Variants in KCNC3 observed in about 807,000 individuals in gnomAD.
KCNC3 encodes the protein potassium voltage-gated channel subfamily C member 3, also known as voltage-gated potassium channel KCNC3.
Under a neutral mutation model 43.9 loss-of-function variants are expected in KCNC3, and 22 were observed. The observed-to-expected ratio is 0.50, with a 90% confidence interval of 0.36 to 0.72. The LOEUF is 0.72. Among genes scored for constraint, KCNC3 ranks in the 30% least tolerant of loss-of-function variants. The pLI, the probability that KCNC3 is intolerant of heterozygous loss-of-function variation, is 0.00. For missense variants in KCNC3, 829 were observed against 1,073.8 expected (o/e 0.77, Z 3.19); for synonymous variants, 492 against 488.0 (o/e 1.01, Z -0.11).
At chr19:50,327,619 G>C (rs1184037472) in intron 1 of KCNC3, among the ~76,000 whole-genome samples, 1 of 152,076 alleles carries the variant, frequency 6.6e-6, no homozygotes, top group Non-Finnish European at 1.5e-5. Flanking sequence ...TGGGAGACGG[G>C]CCACGGGGTG....
At chr19:50,322,739 C>T (rs756338937) in intron 2 of KCNC3, among the ~76,000 whole-genome samples, 4 of 152,162 alleles carry the variant, frequency 2.6e-5, no homozygotes, top group Admixed American at 6.5e-5. Flanking sequence ...GCCTCTGCCT[C>T]GCCAGCCCCT....
intron 1 of KCNC3, among the ~76,000 whole-genome samples, chr19:50,327,785 C>A (rs1044786024): frequency 1.3e-5 from 2 of 151,906 alleles, no homozygotes; most frequent in East Asian, 3.9e-4. Flanking sequence ...GTCCAAGAAA[C>A]CAAGGGCTGG....
chr19:50,320,273 G>T lies in KCNC3; in HGVS notation c.2247C>A (p.Ala749=). ...GPPSFLPDLN[A]NAAAWISP The stretch of plus-strand genomic sequence containing the variant: ...AGGGGGATATCCAGGCCGCGGCGTT[G>T]GCGTTGAGGTCGGGCAAGAAGCTTG... Residue 749 remains alanine, a synonymous_variant, in exon 4 of 5, where the codon GCC becomes GCA. Transcript: ENST00000477616. The T allele has an allele frequency of 9.3e-7, 1 of 1,079,792 alleles. No homozygotes were observed. The highest frequency in any genetic ancestry group is 1.2e-6 in the Non-Finnish European group (1 of 812,392). The allele number at this position is 1,079,792 out of a possible 1,614,324, so 66.9% of individuals were successfully genotyped here.
intron 4 of KCNC3, among the ~76,000 whole-genome samples, chr19:50,317,711 G>C (rs971826073): frequency 6.6e-6 from 1 of 152,132 alleles, no homozygotes; most frequent in African/African-American, 2.4e-5. Context: ...GAAGCTCAGG[G>C]CCTGTGCACT....
In KCNC3 at chr19:50,329,087, CGGGGG is replaced by C; in HGVS notation, c.-10_-6del. 6 of 124,350 alleles carry C rather than the reference CGGGGG, an allele frequency of 4.8e-5. No individual in the cohort carries two copies. The highest frequency in any genetic ancestry group is 5.7e-5 in the Non-Finnish European group (5 of 87,278). 7.7% of individuals were successfully genotyped at this position (124,350 alleles called of 1,614,324 possible). A position where few individuals can be genotyped will look rare whatever the true frequency, so the allele number is the denominator to read the frequency against. ...GACGCAGACTGAGCTCAGCATTGGA[CGGGGG>C]GCGGGGCGGGAGGGGCGGGGACGCA... On this transcript the variant is annotated 5_prime_UTR_variant, in exon 1 of 5. Coordinates refer to ENST00000477616, the MANE Select transcript of KCNC3 (RefSeq NM_004977.3).
Position 50,320,308 on chromosome 19 carries a change from G to A in KCNC3, c.2212C>T (p.Pro738Ser). Residue 738 changes from proline (P) to serine (S), a missense_variant, in exon 4 of 5, where the codon CCA becomes TCA. By Grantham distance (74) the Pro-to-Ser change is moderately conservative (BLOSUM62 -1). Around this residue, in one of 7 missense-constraint regions of KCNC3, gnomAD observed 308 missense variants for 276.2 expected, o/e 1.11. Coordinates refer to ENST00000477616, the MANE Select transcript of KCNC3 (RefSeq NM_004977.3). ...TCGGGCAAGAAGCTTGGGGGGCCTG[G>A]CTTACGCCAGTCTTGGGGGGGCAGT... is the stretch of plus-strand genomic sequence containing the variant. ...PPLPPQDWRK[P>S]GPPSFLPDLN... is the part of the protein sequence containing the mutation. The A allele has an allele frequency of 4.4e-6, 3 of 686,272 alleles. No individual in the cohort carries two copies. Among genetic ancestry groups the A allele is most frequent in the Non-Finnish European group, 4.2e-6 (2 of 481,780 alleles). 42.5% of individuals were successfully genotyped at this position (686,272 alleles called of 1,614,324 possible).
At position 50,324,775 on chromosome 19, in the gene KCNC3, G is replaced by C. The variant is rs2037082529; in HGVS notation, c.871-693C>G. Among the ~76,000 whole-genome samples, 1 of 152,154 alleles carries C rather than the reference G, an allele frequency of 6.6e-6. No individual in the cohort carries two copies. On this transcript the variant is annotated intron_variant, in intron 1 of 4. Transcript: ENST00000477616. This position sits in a 1 kb window ranked among gnomAD's most constrained non-coding sequence, Gnocchi z 4.1. ...AGTAAGAAGACCTGAGCTGTTGTTA[G>C]GGTATGCAGGCAGCAGTTAGTTGGG...
upstream of KCNC3, among the ~76,000 whole-genome samples, chr19:50,333,240 G>A (rs561834557): frequency 6.6e-6 from 1 of 152,178 alleles, no homozygotes; most frequent in African/African-American, 2.4e-5. Context: ...GAGATGGGGG[G>A]AGGGGTGACC....
At chr19:50,316,463 T>G (rs933410957) in intron 4 of KCNC3, among the ~76,000 whole-genome samples, 1 of 151,780 alleles carries the variant, frequency 6.6e-6, no homozygotes, top group Non-Finnish European at 1.5e-5. Context: ...GGAAGAAGCC[T>G]GGCGCAGTGG....
intron 2 of KCNC3, among the ~76,000 whole-genome samples, chr19:50,321,599 G>A (rs966270408): frequency 3.3e-5 from 5 of 152,078 alleles, no homozygotes; most frequent in African/African-American, 7.2e-5. Flanking sequence ...GTGAAACCCC[G>A]TCTCTACTAA....
chr19:50,323,171 G>C lies in KCNC3; in HGVS notation c.1782C>G (p.Ile594Met). ...PPHPHHGSGGISPPPPITPPS... is the reference protein window; with the variant it reads ...PPHPHHGSGGMSPPPPITPPS... ...GTGGGGTGATGGGTGGCGGCGGGCTGATGCCCCCGCTGCCGTGGTGCGGGT... is the reference window on the plus strand; with the variant it reads ...GTGGGGTGATGGGTGGCGGCGGGCTCATGCCCCCGCTGCCGTGGTGCGGGT... The change falls in exon 2 of 5, where the codon ATC (isoleucine) becomes ATG (methionine). Residue 594 changes from isoleucine (I) to methionine (M), a missense_variant. This residue lies in a region of KCNC3 where 308 missense variants were observed against 276.2 expected (regional missense o/e 1.11). Transcript: ENST00000477616. The C allele has an allele frequency of 6.6e-7, 1 of 1,522,652 alleles. No homozygotes were observed. The highest frequency in any genetic ancestry group is 8.8e-7 in the Non-Finnish European group (1 of 1,135,024). 94.3% of individuals were successfully genotyped at this position (1,522,652 alleles called of 1,614,324 possible).
intron 4 of KCNC3, among the ~76,000 whole-genome samples, chr19:50,319,463 A>T (rs368375823): frequency 5.3e-5 from 8 of 152,056 alleles, no homozygotes; most frequent in Admixed American, 2.0e-4. Flanking sequence ...TCTACCTGAG[A>T]ATCCTCCCTC....
At chr19:50,319,538 T>C (rs1248898424) in intron 4 of KCNC3, among the ~76,000 whole-genome samples, 1 of 152,222 alleles carries the variant, frequency 6.6e-6, no homozygotes, top group Non-Finnish European at 1.5e-5. Flanking sequence ...ATGGGATTTC[T>C]TCCTCTGCGT....
At chr19:50,319,181 G>A (rs1041449071) in intron 4 of KCNC3, among the ~76,000 whole-genome samples, 1 of 151,980 alleles carries the variant, frequency 6.6e-6, no homozygotes, top group African/African-American at 2.4e-5. Context: ...TAGCACCACT[G>A]TCTTATCCCC....
chr19:50,329,087 C>CA lies in KCNC3; in HGVS notation c.-6_-5insT. On this transcript the variant is annotated 5_prime_UTR_variant, in exon 1 of 5. Transcript: ENST00000477616. ...GACGCAGACTGAGCTCAGCATTGGA[C>CA]GGGGGGCGGGGCGGGAGGGGCGGGG... 8.0e-6 allele frequency: 1 copy of CA among 124,402 alleles called. No individual in the cohort carries two copies. The highest frequency in any genetic ancestry group is 2.2e-3 in the Middle Eastern group (1 of 464). The allele number at this position is 124,402 out of a possible 1,614,324, so 7.7% of individuals were successfully genotyped here. A position where few individuals can be genotyped will look rare whatever the true frequency, so the allele number is the denominator to read the frequency against.
rs1213414094 is a variant in KCNC3, at chr19:50,324,149, GA to G, written c.871-68del. The G allele has an allele frequency of 2.7e-6, 4 of 1,482,738 alleles. No homozygotes were observed. The highest frequency in any genetic ancestry group is 3.6e-6 in the Non-Finnish European group (4 of 1,107,784). The allele number at this position is 1,482,738 out of a possible 1,614,324, so 91.8% of individuals were successfully genotyped here. A position where few individuals can be genotyped will look rare whatever the true frequency, so the allele number is the denominator to read the frequency against. ...GGCATCAGGTTGGCCATAACATCCAGAAGACCCTTCCAGTGCCCCCTTCCCC... is the reference window on the plus strand; with the variant it reads ...GGCATCAGGTTGGCCATAACATCCAGAGACCCTTCCAGTGCCCCCTTCCCC... On this transcript the variant is annotated intron_variant, in intron 1 of 4. Transcript: ENST00000477616. This position sits in a 1 kb window ranked among gnomAD's most constrained non-coding sequence, Gnocchi z 4.1.
rs149366178 is a variant in KCNC3 at position 50,323,345 on chromosome 19, G to A, written c.1608C>T (p.Pro536=). The part of the protein sequence containing the change: ...AGVLTIAMPV[P]VIVNNFGMYY... ...ACATGCCAAAGTTGTTGACAATGAC[G>A]GGCACAGGCATGGCGATGGTCAGCA... The change falls in exon 2 of 5, where the codon CCC becomes CCT. Residue 536 remains proline, a synonymous_variant. Transcript: ENST00000477616. 1.1e-5 allele frequency: 17 copies of A among 1,614,046 alleles called. No homozygotes were observed. Among genetic ancestry groups the A allele is most frequent in the Middle Eastern group, 1.6e-4 (1 of 6,084 alleles).
chr19:50,314,931 G>A lies in KCNC3; in HGVS notation c.*1184C>T. 3.2e-6 allele frequency: 1 copy of A among 310,458 alleles called. No homozygotes were observed. The highest frequency in any genetic ancestry group is 2.3e-5 in the South Asian group (1 of 42,974). The allele number at this position is 310,458 out of a possible 1,614,324, so 19.2% of individuals were successfully genotyped here. On this transcript the variant is annotated 3_prime_UTR_variant, in exon 5 of 5. Transcript: ENST00000477616. ...CCAGGGGGGGTGGCAAGGGGCGCGA[G>A]GCGCAGGGACACCCCGCTCAGGCCC...
chr19:50,328,184 G>A, intron 1 of KCNC3, 29 bp downstream of exon 1: 1 of 1,113,110 alleles, frequency 9.0e-7, no homozygotes, highest in African/African-American at 1.7e-5. Context: ...CGGGGGTGGG[G>A]TGGATGGGGG....
Sources: allele counts gnomAD v4.1 joint callset (sites outside exome capture counted in the v4.1 genomes callset), GRCh38; gene constraint gnomAD v4.1.1; regional missense constraint gnomAD v4.1.1; non-coding constraint Gnocchi (gnomAD v3.1); transcripts MANE v1.5; gene names NCBI Gene and HGNC (gene_info 2026-07-23, HGNC 2026-07-21).